Variants in DNAH7 observed in about 807,000 individuals in gnomAD.
DNAH7 encodes the protein dynein axonemal heavy chain 7.
Under a neutral mutation model 444.6 loss-of-function variants are expected in DNAH7, and 397 were observed. That is an observed-to-expected ratio of 0.89 (90% CI 0.82 to 0.97). The LOEUF is 0.97. Among genes scored for constraint, DNAH7 ranks in the 50% least tolerant of loss-of-function variants. The probability of loss-of-function intolerance (pLI) is 0.00; values close to 1 mark genes in which losing one functional copy is unlikely to be tolerated. For synonymous variants in DNAH7, 1,636 were observed against 1,624.4 expected, an observed-to-expected ratio of 1.01 and a Z score of -0.17; for missense variants, 4,902 against 4,800.8, an observed-to-expected ratio of 1.02 and a Z score of -0.62.
intron 47 of DNAH7, among the ~76,000 whole-genome samples, chr2:195,840,424 T>C (rs1233664382): frequency 6.6e-6 from 1 of 151,680 alleles, no homozygotes; most frequent in East Asian, 1.9e-4. Flanking sequence ...AAACTGATTC[T>C]CTCTAAGATC....
At position 195,936,803 on chromosome 2, in the gene DNAH7, AAAT is replaced by A; in HGVS notation, c.3079-14_3079-12del. The A allele has an allele frequency of 6.7e-7, 1 of 1,492,892 alleles. No individual in the cohort carries two copies. The highest frequency in any genetic ancestry group is 8.9e-7 in the Non-Finnish European group (1 of 1,124,372). 92.5% of individuals were successfully genotyped at this position (1,492,892 alleles called of 1,614,324 possible). A position where few individuals can be genotyped will look rare whatever the true frequency, so the allele number is the denominator to read the frequency against. On this transcript the variant is annotated splice_polypyrimidine_tract_variant and intron_variant, in intron 19 of 64. Transcript: ENST00000312428. ...CAGAACATGTTTATCCTAAAAATAA[AAAT>A]AAAAAACACTCAATTCAAAAATATT...
intron 16 of DNAH7, 32 bp downstream of exon 16, chr2:195,972,210 G>C (rs751514157): frequency 3.8e-5 from 59 of 1,555,858 alleles, no homozygotes; most frequent in Non-Finnish European, 5.1e-5. Context: ...AACATTTCCA[G>C]AAAATGAAAA....
At chr2:195,788,824 GTAGT>G (rs969131613) in intron 57 of DNAH7, among the ~76,000 whole-genome samples, 4 of 152,188 alleles carry the variant, frequency 2.6e-5, no homozygotes, top group African/African-American at 7.2e-5. Context: ...AAATATGTAT[GTAGT>G]ATTTATGTGC....
At chr2:195,941,777 T>C (rs1219633301) in intron 19 of DNAH7, among the ~76,000 whole-genome samples, 1 of 152,120 alleles carries the variant, frequency 6.6e-6, no homozygotes, top group Non-Finnish European at 1.5e-5. Context: ...TTAAAACCTC[T>C]TACAATTTTA....
intron 31 of DNAH7, 77 bp downstream of exon 31, chr2:195,891,578 G>GA (rs995606211): frequency 9.6e-4 from 1,222 of 1,272,038 alleles, no homozygotes; most frequent in Middle Eastern, 1.2e-3. Flanking sequence ...TAGTTTGTTT[G>GA]AAAAAAAAAT....
In DNAH7 at chr2:195,775,984, C is replaced by T; in HGVS notation, c.11065-1G>A. The T allele has an allele frequency of 6.2e-7, 1 of 1,613,006 alleles. No homozygotes were observed. Among genetic ancestry groups the T allele is most frequent in the Non-Finnish European group, 8.5e-7 (1 of 1,179,686 alleles). On this transcript the variant is annotated splice_acceptor_variant, in intron 59 of 64. Transcript: ENST00000312428. LOFTEE classifies it high-confidence loss of function. The stretch of plus-strand genomic sequence containing the variant: ...TTGTGTATTCGATGTAGCTTTTGTG[C>T]TGCAGAGATGAATAACAAGAAGTCA...
intron 46 of DNAH7, 76 bp downstream of exon 46, chr2:195,853,267 G>A: frequency 2.2e-6 from 3 of 1,377,126 alleles, no homozygotes; most frequent in Non-Finnish European, 1.9e-6. Context: ...TGAAACCAAA[G>A]TAAAACAAAA....
At chr2:196,009,993 A>T (rs1416858412) in intron 10 of DNAH7, among the ~76,000 whole-genome samples, 1 of 152,218 alleles carries the variant, frequency 6.6e-6, no homozygotes, top group Non-Finnish European at 1.5e-5. Flanking sequence ...AATGCAAATC[A>T]AAAGCACACT....
At chr2:195,756,991 CAA>C (rs113147791) in intron 61 of DNAH7, among the ~76,000 whole-genome samples, 17 of 133,738 alleles carry the variant, frequency 1.3e-4, no homozygotes, top group Non-Finnish European at 8.1e-5. Context: ...GACCCTGTCT[CAA>C]AAAAAAAAAA....
chr2:196,012,463 C>A (rs1694779554), intron 10 of DNAH7, among the ~76,000 whole-genome samples: 1 of 152,212 alleles, frequency 6.6e-6, no homozygotes, highest in South Asian at 2.1e-4. Flanking sequence ...CATGTGTTAA[C>A]AGCAGATGAC....
intron 61 of DNAH7, among the ~76,000 whole-genome samples, chr2:195,768,655 A>C (rs780900700): frequency 1.3e-5 from 2 of 152,140 alleles, no homozygotes; most frequent in Non-Finnish European, 1.5e-5. Flanking sequence ...ACATATGAGA[A>C]TGCCTGATGA....
chr2:195,937,714 T>G (rs1689148882), intron 19 of DNAH7, among the ~76,000 whole-genome samples: 1 of 152,184 alleles, frequency 6.6e-6, no homozygotes, highest in South Asian at 2.1e-4. Flanking sequence ...TAACACATGG[T>G]TGATGTCATC....
At chr2:196,055,635 G>A (rs1221008752) in intron 2 of DNAH7, among the ~76,000 whole-genome samples, 1 of 152,210 alleles carries the variant, frequency 6.6e-6, no homozygotes, top group East Asian at 1.9e-4. Context: ...CTTCCCTTTG[G>A]GGAGAATGAG....
chr2:196,011,999 A>T (rs944889239), intron 10 of DNAH7, among the ~76,000 whole-genome samples: 1 of 152,204 alleles, frequency 6.6e-6, no homozygotes, highest in Non-Finnish European at 1.5e-5. Flanking sequence ...ATAAAAGGCT[A>T]AAGTTTTTTC....
At chr2:196,001,562 G>T in intron 11 of DNAH7, 113 bp downstream of exon 11, 1 of 1,031,832 alleles carries the variant, frequency 9.7e-7, no homozygotes, top group Non-Finnish European at 1.3e-6. Context: ...AGTGTAATAG[G>T]TCTAAAGATG....
chr2:196,061,789 G>A (rs1010901095), intron 1 of DNAH7, among the ~76,000 whole-genome samples: 1 of 152,286 alleles, frequency 6.6e-6, no homozygotes, highest in African/African-American at 2.4e-5. Flanking sequence ...ATTATATCAT[G>A]TGTCCATTAC....
At chr2:196,050,057 A>G (rs574738735) in intron 3 of DNAH7, among the ~76,000 whole-genome samples, 1 of 152,364 alleles carries the variant, frequency 6.6e-6, no homozygotes, top group African/African-American at 2.4e-5. Flanking sequence ...AATTAATCTA[A>G]CAATGTTAGT....
At chr2:196,020,821 G>C (rs1189295182) in intron 8 of DNAH7, among the ~76,000 whole-genome samples, 2 of 152,076 alleles carry the variant, frequency 1.3e-5, no homozygotes, top group African/African-American at 4.8e-5. Context: ...ACGTTGGCCA[G>C]AACTGGCCTC....
At chr2:195,767,397 T>C (rs1417781031) in intron 61 of DNAH7, among the ~76,000 whole-genome samples, 1 of 152,090 alleles carries the variant, frequency 6.6e-6, no homozygotes, top group Non-Finnish European at 1.5e-5. Flanking sequence ...AAGTATATTA[T>C]ACTCTTGTGG....
Sources: allele counts gnomAD v4.1 joint callset (sites outside exome capture counted in the v4.1 genomes callset), GRCh38; gene constraint gnomAD v4.1.1; transcripts MANE v1.5; gene names NCBI Gene and HGNC (gene_info 2026-07-23, HGNC 2026-07-21).